Variants in PLCB3 observed in about 807,000 individuals in gnomAD.
PLCB3 encodes the protein 1-phosphatidylinositol 4,5-bisphosphate phosphodiesterase beta-3.
In PLCB3, 54 loss-of-function variants were observed where a neutral mutation model predicts 152.1. The ratio of observed to expected loss-of-function variants is 0.36; its 90% confidence interval spans 0.29 to 0.45. The LOEUF is 0.45. Ranked by LOEUF, PLCB3 falls within the 20% of genes least tolerant of loss-of-function variation. PLCB3 has a pLI of 1.00. For missense variants in PLCB3, 1,248 were observed against 1,687.5 expected, an observed-to-expected ratio of 0.74 and a Z score of 4.56; for synonymous variants, 717 against 698.7, an observed-to-expected ratio of 1.03 and a Z score of -0.41.
rs1159133284 is a variant in PLCB3 at position 64,258,873 on chromosome 11, T to C, written c.1254-12T>C. ...GGGGAGGGATCTCTGACCTCTGACC[T>C]CGGTTCCGCAGGGCAAAGCAACAGG... On this transcript the variant is annotated splice_polypyrimidine_tract_variant and intron_variant, in intron 11 of 30. Coordinates refer to ENST00000279230, the MANE Select transcript of PLCB3 (RefSeq NM_000932.5). The surrounding 1 kb of genome is among the most constrained non-coding windows in gnomAD (Gnocchi z 7.2). The C allele has an allele frequency of 1.2e-6, 2 of 1,613,840 alleles. No homozygotes were observed. Among genetic ancestry groups the C allele is most frequent in the Non-Finnish European group, 1.7e-6 (2 of 1,179,894 alleles).
Position 64,254,928 on chromosome 11 carries a change from G to A in PLCB3, c.277G>A (p.Gly93Arg), listed in dbSNP as rs754434189. Residue 93 changes from glycine (G) to arginine (R), a missense_variant, in exon 4 of 31, where the codon GGG (glycine) becomes AGG (arginine). By Grantham distance (125) the Gly-to-Arg change is moderately radical. Coordinates refer to ENST00000279230, the MANE Select transcript of PLCB3 (RefSeq NM_000932.5). ...CAAGATCCGGGAAGTTCTGGGCTTT[G>A]GGGGTCCCGATGCCCGGCTGGAGGA... ...DPKIREVLGF[G>R]GPDARLEEKL... is the part of the protein sequence containing the mutation. 4 of 1,604,968 alleles carry A rather than the reference G, an allele frequency of 2.5e-6. No homozygotes were observed. Among genetic ancestry groups the A allele is most frequent in the South Asian group, 1.1e-5 (1 of 90,046 alleles).
chr11:64,259,278 A>C, intron 13 of PLCB3, 34 bp downstream of exon 13: 1 of 1,448,044 alleles, frequency 6.9e-7, no homozygotes, highest in African/African-American at 1.4e-5. Flanking sequence ...CCCTGACTTG[A>C]CCCTAGCCTC....
At chr11:64,264,193 G>C in intron 22 of PLCB3, 81 bp downstream of exon 22, 2 of 939,314 alleles carry the variant, frequency 2.1e-6, no homozygotes, top group East Asian at 5.1e-5. Flanking sequence ...ACATGAGGAG[G>C]GGGCTTCTGG....
At chr11:64,252,823 G>C (rs2031300268) in intron 1 of PLCB3, among the ~76,000 whole-genome samples, 1 of 152,144 alleles carries the variant, frequency 6.6e-6, no homozygotes, top group Admixed American at 6.5e-5. Context: ...TGGGGTGGGG[G>C]GTGCTGACGG....
chr11:64,263,436 T>C, intron 19 of PLCB3, 62 bp from the exon 20 acceptor site: 1 of 1,034,342 alleles, frequency 9.7e-7, no homozygotes, highest in Non-Finnish European at 1.4e-6. Context: ...TGGTTAGCTG[T>C]GGCCTGGTAG....
At position 64,263,616 on chromosome 11, in the gene PLCB3, C is replaced by T. The variant is rs771180100; in HGVS notation, c.2455+19C>T. On this transcript the variant is annotated intron_variant, in intron 20 of 30. Transcript: ENST00000279230. ...CGCTCCGGTGAGGCCTTGGTGGGCT[C>T]TGGGCAGCACAGCGGGCAGTGGGTA... 3 of 1,607,248 alleles carry T rather than the reference C, an allele frequency of 1.9e-6. No individual in the cohort carries two copies. The highest frequency in any genetic ancestry group is 2.6e-6 in the Non-Finnish European group (3 of 1,174,822).
intron 22 of PLCB3, 61 bp downstream of exon 22, chr11:64,264,173 T>C: frequency 1.8e-6 from 2 of 1,137,318 alleles, no homozygotes; most frequent in Non-Finnish European, 2.5e-6. Context: ...TGGACATGAC[T>C]GCTGTGGCCA....
chr11:64,266,126 G>A lies in PLCB3; in HGVS notation c.3190G>A (p.Ala1064Thr). Residue 1064 changes from alanine (A) to threonine (T), a missense_variant and splice_region_variant, in exon 27 of 31, where the codon GCT becomes ACT. Around this residue, in one of 6 missense-constraint regions of PLCB3, gnomAD observed 477 missense variants for 489.6 expected, o/e 0.97. Transcript: ENST00000279230. The surrounding 1 kb of genome is among the most constrained non-coding windows in gnomAD (Gnocchi z 4.9). ...ACCTGTCAGCTCCCTGTGTCCACAGGCTCTGCAGCGGCTCAGGGAGGTCGT... is the reference window on the plus strand; with the variant it reads ...ACCTGTCAGCTCCCTGTGTCCACAGACTCTGCAGCGGCTCAGGGAGGTCGT... ...AQRRLEHLRQALQRLREVVLD... is the reference protein window; with the variant it reads ...AQRRLEHLRQTLQRLREVVLD... 1 of 1,614,106 alleles carries A rather than the reference G, an allele frequency of 6.2e-7. No individual in the cohort carries two copies.
At chr11:64,256,993 G>A (rs1296796498) in intron 10 of PLCB3, among the ~76,000 whole-genome samples, 1 of 89,988 alleles carries the variant, frequency 1.1e-5, no homozygotes, top group Admixed American at 1.3e-4. Context: ...GAGACTTCAG[G>A]GTCCTTTTTT....
chr11:64,259,950 A>G (rs2031756149), intron 13 of PLCB3, 79 bp from the exon 14 acceptor site: 1 of 1,217,398 alleles, frequency 8.2e-7, no homozygotes, highest in Non-Finnish European at 1.2e-6. Flanking sequence ...ACCTCGGCAC[A>G]CACTGGGAAA....
In PLCB3 at chr11:64,254,862, G is replaced by A. The variant is rs564664846; in HGVS notation, c.247-36G>A. On this transcript the variant is annotated intron_variant, in intron 3 of 30. Coordinates refer to ENST00000279230, the MANE Select transcript of PLCB3 (RefSeq NM_000932.5). Reference sequence around the variant, plus strand: ...TGAAGACCACAGCGAGGCTGTGCGGGAGCCCCCTCTTCACCCTTCGCTGTC... The same window carrying A: ...TGAAGACCACAGCGAGGCTGTGCGGAAGCCCCCTCTTCACCCTTCGCTGTC... 80 of 1,613,582 alleles carry A rather than the reference G, an allele frequency of 5.0e-5. No individual in the cohort carries two copies. In the South Asian group the frequency reaches 8.6e-4, roughly 17 times the overall value.
Position 64,267,568 on chromosome 11 carries a change from G to C in PLCB3, c.*12G>C, listed in dbSNP as rs902736763. The C allele has an allele frequency of 1.3e-6, 2 of 1,554,512 alleles. No homozygotes were observed. Among genetic ancestry groups the C allele is most frequent in the South Asian group, 2.3e-5 (2 of 85,298 alleles). ...ACACGCAGCTCTGAACTGGCTGAGC[G>C]AGGTGGCCACAGGGCCAGGGCGGGC... On this transcript the variant is annotated 3_prime_UTR_variant, in exon 31 of 31. Transcript: ENST00000279230. This position sits in a 1 kb window ranked among gnomAD's most constrained non-coding sequence, Gnocchi z 5.2.
chr11:64,256,914 G>T, intron 10 of PLCB3, 150 bp downstream of exon 10: 1 of 833,444 alleles, frequency 1.2e-6, no homozygotes, highest in Non-Finnish European at 1.8e-6. Context: ...CCAGCCCTGA[G>T]CAGTGGGGCC....
intron 22 of PLCB3, among the ~76,000 whole-genome samples, chr11:64,264,492 C>CGGCAG (rs891966866): frequency 1.1e-4 from 17 of 152,144 alleles, no homozygotes; most frequent in Admixed American, 1.1e-3. Context: ...CCAGGGCCTG[C>CGGCAG]GGCAGGCGGG....
intron 1 of PLCB3, among the ~76,000 whole-genome samples, chr11:64,254,158 G>A (rs150317191): frequency 8.3e-4 from 126 of 152,236 alleles, no homozygotes; most frequent in African/African-American, 2.8e-3. Context: ...CCCTGGGAAA[G>A]GTCAGGTAGA....
In PLCB3 at chr11:64,251,700, C is replaced by G; in HGVS notation, c.51C>G (p.Thr17=). 2.7e-6 allele frequency: 4 copies of G among 1,486,440 alleles called. No homozygotes were observed. Among genetic ancestry groups the G allele is most frequent in the Non-Finnish European group, 3.6e-6 (4 of 1,116,122 alleles). 92.1% of individuals were successfully genotyped at this position (1,486,440 alleles called of 1,614,324 possible). ...ACGCGCTGCAGTTGGAGCCGCCCAC[C>G]GTGGTGGAGACCCTGCGGCGCGGGA... The part of the protein sequence containing the change: ...GVHALQLEPP[T]VVETLRRGSK... Residue 17 remains threonine, a synonymous_variant, in exon 1 of 31, where the codon ACC becomes ACG. Coordinates refer to ENST00000279230, the MANE Select transcript of PLCB3 (RefSeq NM_000932.5).
chr11:64,261,684 G>T lies in PLCB3; in HGVS notation c.1913+19G>T. ...TTGTGGAGTATCCTTTGAAGGTGCT[G>T]TGGGCGGGCAGGCCAGGGTGGGGCG... On this transcript the variant is annotated intron_variant, in intron 16 of 30. Transcript: ENST00000279230. 1 of 1,609,036 alleles carries T rather than the reference G, an allele frequency of 6.2e-7. No homozygotes were observed. Among genetic ancestry groups the T allele is most frequent in the Non-Finnish European group, 8.5e-7 (1 of 1,175,598 alleles).
Position 64,262,032 on chromosome 11 carries a change from G to A in PLCB3, c.1994G>A (p.Trp665Ter). The A allele has an allele frequency of 6.2e-7, 1 of 1,614,186 alleles. No homozygotes were observed. Among genetic ancestry groups the A allele is most frequent in the Non-Finnish European group, 8.5e-7 (1 of 1,180,018 alleles). The change falls in exon 17 of 31, where the codon TGG (tryptophan) becomes TAG (stop). Residue 665 changes from tryptophan to a stop codon, truncating the protein, a stop_gained. Coordinates refer to ENST00000279230, the MANE Select transcript of PLCB3 (RefSeq NM_000932.5). LOFTEE classifies it high-confidence loss of function. ...TCCAACTACATGCCCCAGCTCTTCT[G>A]GAACGTAGGGTGCCAGCTTGTTGCG... ...DSSNYMPQLF[W>*]NVGCQLVALN...
In PLCB3 at chr11:64,260,016, C is replaced by T. The variant is rs757376066; in HGVS notation, c.1526-13C>T. 1.2e-6 allele frequency: 2 copies of T among 1,608,272 alleles called. No homozygotes were observed. Among genetic ancestry groups the T allele is most frequent in the East Asian group, 4.5e-5 (2 of 44,838 alleles). On this transcript the variant is annotated splice_polypyrimidine_tract_variant and intron_variant, in intron 13 of 30. Coordinates refer to ENST00000279230, the MANE Select transcript of PLCB3 (RefSeq NM_000932.5). ...GGTCCTGACCCCTCACCCTGTGGCC[C>T]TGTCCTCTGCAGGGTCTCCCAGCTC...
Sources: gnomAD v4.1 joint callset for allele counts (sites outside exome capture counted in the v4.1 genomes callset) on GRCh38, gnomAD v4.1.1 for gene constraint, gnomAD v4.1.1 regional missense constraint, Gnocchi (gnomAD v3.1) non-coding constraint, MANE v1.5 for transcripts, NCBI Gene and HGNC (gene_info 2026-07-23, HGNC 2026-07-21) for gene names.